The following OCA2 variants were observed in gnomAD, a reference collection of about 807,000 sequenced individuals.
OCA2 encodes the protein P protein.
A neutral mutation model predicts 100.2 loss-of-function variants in OCA2; 77 were observed. That is an observed-to-expected ratio of 0.77 (90% CI 0.64 to 0.93). The LOEUF (loss-of-function observed/expected upper bound fraction) is 0.93, where lower values mean the gene tolerates loss of function less well. OCA2 is among the 40% of genes least tolerant of loss of function. The pLI is 0.00. For missense variants in OCA2, 1,062 were observed against 1,089.1 expected (o/e 0.98, Z 0.35); for synonymous variants, 432 against 439.2 (o/e 0.98, Z 0.21).
Position 27,989,616 on chromosome 15 carries a change from G to A in OCA2, c.1167C>T (p.Ala389=). 1 of 1,614,090 alleles carries A rather than the reference G, an allele frequency of 6.2e-7. No homozygotes were observed. The highest frequency in any genetic ancestry group is 8.5e-7 in the Non-Finnish European group (1 of 1,179,966). ...VVEWIDFETL[A]LLFGMMILVA... ...CTGTAATTACCATGCCAAACAGCAG[G>A]GCCAGCGTCTCAAAATCAATCCACT... Residue 389 remains alanine, a synonymous_variant, in exon 11 of 24, where the codon GCC becomes GCT. Transcript: ENST00000354638.
rs934331501 is a variant in OCA2, at chr15:27,830,116, G to A, written c.2432+14843C>T. Among the ~76,000 whole-genome samples the A allele has an allele frequency of 2.6e-5, 4 of 152,062 alleles. No individual in the cohort carries two copies. The East Asian group carries it at 7.7e-4, about 29-fold the overall frequency. Reference sequence around the variant, plus strand: ...AGAACAGTCAGAAAAACACTGATAAGGCAAAGTACTTGCCCTACCACAGAG... The same window carrying A: ...AGAACAGTCAGAAAAACACTGATAAAGCAAAGTACTTGCCCTACCACAGAG... On this transcript the variant is annotated intron_variant, in intron 23 of 23. Coordinates refer to ENST00000354638, the MANE Select transcript of OCA2 (RefSeq NM_000275.3).
chr15:28,030,562 G>A (rs546682526), intron 3 of OCA2, among the ~76,000 whole-genome samples: 7 of 152,304 alleles, frequency 4.6e-5, no homozygotes, highest in South Asian at 2.1e-4. Flanking sequence ...TCCAAATCCC[G>A]GGAGCCAGAG....
In OCA2 at chr15:28,032,135, T is replaced by C; in HGVS notation, c.256A>G (p.Ser86Gly). ...RSHSSLPQMS[S>G]SRSKDSCFTE... is the part of the protein sequence containing the mutation. ...AAGCAGGAATCTTTAGACCTGGAGC[T>C]GGACATCTGGGGCAAAGAAGAGTGA... The change falls in exon 3 of 24, where the codon AGC (serine) becomes GGC (glycine). Residue 86 changes from serine (S) to glycine (G), a missense_variant. By Grantham distance (56) the Ser-to-Gly change is moderately conservative (BLOSUM62 0). Transcript: ENST00000354638. 3 of 1,614,006 alleles carry C rather than the reference T, an allele frequency of 1.9e-6. No individual in the cohort carries two copies. The highest frequency in any genetic ancestry group is 1.1e-5 in the South Asian group (1 of 91,070).
chr15:27,958,195 T>C (rs975800332), intron 15 of OCA2, among the ~76,000 whole-genome samples: 1 of 152,100 alleles, frequency 6.6e-6, no homozygotes, highest in Non-Finnish European at 1.5e-5. Flanking sequence ...GAACTTAAAG[T>C]GTAATAAAAA....
intron 2 of OCA2, among the ~76,000 whole-genome samples, chr15:28,041,232 T>C (rs748857717): frequency 9.2e-5 from 13 of 140,582 alleles, no homozygotes; most frequent in African/African-American, 1.2e-4. Flanking sequence ...ATCTATGAAA[T>C]ACACATTAAC....
intron 23 of OCA2, among the ~76,000 whole-genome samples, chr15:27,801,242 T>C (rs1480719030): frequency 6.6e-6 from 1 of 152,200 alleles, no homozygotes; most frequent in African/African-American, 2.4e-5. Flanking sequence ...TTTAAAACTT[T>C]AGCAAATCTA....
At chr15:28,054,437 C>A (rs2043624561) in intron 2 of OCA2, among the ~76,000 whole-genome samples, 1 of 152,166 alleles carries the variant, frequency 6.6e-6, no homozygotes, top group Non-Finnish European at 1.5e-5. Context: ...CCAAGAGGAG[C>A]CCCACCTCAA....
At chr15:28,021,439 A>G (rs1352838190) in intron 6 of OCA2, among the ~76,000 whole-genome samples, 1 of 152,230 alleles carries the variant, frequency 6.6e-6, no homozygotes, top group Non-Finnish European at 1.5e-5. Context: ...GACTGTAGGA[A>G]GAGGCGGCTT....
At chr15:28,088,281 C>T (rs2044812881) in intron 1 of OCA2, among the ~76,000 whole-genome samples, 2 of 152,140 alleles carry the variant, frequency 1.3e-5, no homozygotes, top group African/African-American at 2.4e-5. Context: ...TTTAACACTC[C>T]TTGATGTGTT....
intron 3 of OCA2, 74 bp from the exon 4 acceptor site, chr15:28,028,133 T>C (rs1595850371): frequency 6.5e-7 from 1 of 1,545,168 alleles, no homozygotes; most frequent in Non-Finnish European, 8.9e-7. Context: ...CTCTGAGTTC[T>C]GACTGTGTGA....
intron 1 of OCA2, among the ~76,000 whole-genome samples, chr15:28,083,520 CCTGGTA>C (rs1246402200): frequency 1.3e-5 from 2 of 152,158 alleles, no homozygotes; most frequent in Non-Finnish European, 2.9e-5. Context: ...GGCTCCACTA[CCTGGTA>C]AGAACAAAGT....
intron 19 of OCA2, among the ~76,000 whole-genome samples, chr15:27,886,893 G>C (rs1402813405): frequency 6.6e-6 from 1 of 152,168 alleles, no homozygotes; most frequent in African/African-American, 2.4e-5. Flanking sequence ...TTTGGGATCT[G>C]ATATGGTTTG....
downstream of OCA2, among the ~76,000 whole-genome samples, chr15:27,750,469 T>A (rs534598685): frequency 6.6e-6 from 1 of 152,186 alleles, no homozygotes; most frequent in Non-Finnish European, 1.5e-5. Flanking sequence ...TTGGTTAATA[T>A]TGGGCATATA....
intron 14 of OCA2, among the ~76,000 whole-genome samples, chr15:27,971,224 T>C (rs1183824375): frequency 6.6e-6 from 1 of 151,938 alleles, no homozygotes; most frequent in Non-Finnish European, 1.5e-5. Flanking sequence ...GCGCACAGTA[T>C]AGTGGGAAAA....
At chr15:27,936,591 C>A (rs1273590428) in intron 18 of OCA2, among the ~76,000 whole-genome samples, 1 of 152,144 alleles carries the variant, frequency 6.6e-6, no homozygotes, top group African/African-American at 2.4e-5. Flanking sequence ...GCTCTTCAGG[C>A]CTGTGTGTAT....
chr15:28,029,989 T>TA (rs1311590328), intron 3 of OCA2, among the ~76,000 whole-genome samples: 1 of 152,234 alleles, frequency 6.6e-6, no homozygotes, highest in African/African-American at 2.4e-5. Context: ...AAAAAATGCT[T>TA]ACACATTAAT....
At chr15:27,976,532 G>C (rs2040971632) in intron 14 of OCA2, among the ~76,000 whole-genome samples, 1 of 152,024 alleles carries the variant, frequency 6.6e-6, no homozygotes, top group Non-Finnish European at 1.5e-5. Flanking sequence ...TTCTCATTTA[G>C]TTTGTTAGTA....
intron 22 of OCA2, among the ~76,000 whole-genome samples, chr15:27,847,083 C>A (rs77139122): frequency 6.6e-6 from 1 of 152,188 alleles, no homozygotes; most frequent in African/African-American, 2.4e-5. Context: ...TCCCTGAGGG[C>A]CCTCCTTCTC....
rs142516466 is a variant in OCA2, at chr15:27,813,991, G to A, written c.2432+30968C>T. 2.0e-3 allele frequency among the ~76,000 whole-genome samples: 306 copies of A among 152,242 alleles called. 2 individuals carry two copies. Among genetic ancestry groups the A allele is most frequent in the African/African-American group, 7.1e-3 (294 of 41,552 alleles). The stretch of plus-strand genomic sequence containing the variant: ...TCATGTAATGTGTAAAGATCAAACA[G>A]GGTAATTGGAATACCCATCACCTTA... On this transcript the variant is annotated intron_variant, in intron 23 of 23. Transcript: ENST00000354638.
Sources: gnomAD v4.1 joint callset for allele counts (sites outside exome capture counted in the v4.1 genomes callset) on GRCh38, gnomAD v4.1.1 for gene constraint, MANE v1.5 for transcripts, NCBI Gene and HGNC (gene_info 2026-07-23, HGNC 2026-07-21) for gene names.